CHRM3: variants seen among roughly 807,000 people sequenced by gnomAD.
The protein encoded by CHRM3 is muscarinic acetylcholine receptor M3.
A neutral mutation model predicts 41.8 loss-of-function variants in CHRM3; 11 were observed. The ratio of observed to expected loss-of-function variants is 0.26; its 90% CI spans 0.17 to 0.44. The LOEUF is 0.44. Ranked by LOEUF, CHRM3 falls within the 20% of genes least tolerant of loss-of-function variation. The pLI is 1.00. For missense variants in CHRM3, 571 were observed against 745.4 expected, an observed-to-expected ratio of 0.77 and a Z score of 2.72; for synonymous variants, 297 against 301.4, an observed-to-expected ratio of 0.99 and a Z score of 0.15.
chr1:239,753,395 A>G (rs1665987557), intron 5 of CHRM3, among the ~76,000 whole-genome samples: 1 of 152,166 alleles, frequency 6.6e-6, no homozygotes, highest in African/African-American at 2.4e-5. Context: ...TACAGGAAGC[A>G]TTGCTGAAAG....
At chr1:239,738,065 A>C (rs1462701075) in intron 5 of CHRM3, among the ~76,000 whole-genome samples, 1 of 152,182 alleles carries the variant, frequency 6.6e-6, no homozygotes, top group Non-Finnish European at 1.5e-5. Context: ...TAATTTATCT[A>C]ATTGTTTCAT....
chr1:239,871,532 C>G (rs1297199686), intron 6 of CHRM3, among the ~76,000 whole-genome samples: 3 of 152,120 alleles, frequency 2.0e-5, no homozygotes, highest in Non-Finnish European at 4.4e-5. Flanking sequence ...GAGCCACCAC[C>G]CCTGGCTGCC....
intron 5 of CHRM3, among the ~76,000 whole-genome samples, chr1:239,822,374 G>A (rs112246074): frequency 0.031 from 4,645 of 152,214 alleles, 90 homozygotes; most frequent in South Asian, 0.072. Flanking sequence ...TAGCTAAACC[G>A]AGTACTACAA....
At chr1:239,897,206 T>A (rs1408211635) in intron 6 of CHRM3, among the ~76,000 whole-genome samples, 1 of 152,126 alleles carries the variant, frequency 6.6e-6, no homozygotes, top group Non-Finnish European at 1.5e-5. Flanking sequence ...CAGTTCTATC[T>A]GCGTGCATGA....
chr1:239,455,087 A>T (rs61834713), intron 1 of CHRM3, among the ~76,000 whole-genome samples: 1,928 of 152,098 alleles, frequency 0.013, 16 homozygotes, highest in Admixed American at 0.022. Flanking sequence ...TTATTTATTT[A>T]TATTTTTGAG....
intron 4 of CHRM3, among the ~76,000 whole-genome samples, chr1:239,648,881 A>G (rs925755148): frequency 1.3e-5 from 2 of 152,198 alleles, no homozygotes; most frequent in African/African-American, 4.8e-5. Flanking sequence ...CACATGAATC[A>G]GTGATGTGTA....
chr1:239,657,881 T>C (rs1367371482), intron 4 of CHRM3, among the ~76,000 whole-genome samples: 1 of 152,194 alleles, frequency 6.6e-6, no homozygotes, highest in Admixed American at 6.5e-5. Context: ...TACATCATTC[T>C]TCACGATTGT....
intron 5 of CHRM3, among the ~76,000 whole-genome samples, chr1:239,797,993 G>A (rs1374988601): frequency 6.6e-6 from 1 of 152,048 alleles, no homozygotes; most frequent in African/African-American, 2.4e-5. Flanking sequence ...AAGCTGCAGT[G>A]AGCTGTGATT....
chr1:239,816,939 A>G (rs1309411947), intron 5 of CHRM3, among the ~76,000 whole-genome samples: 2 of 151,852 alleles, frequency 1.3e-5, no homozygotes, highest in African/African-American at 4.8e-5. Context: ...CACCATGTTG[A>G]CCAGGCTGGT....
At chr1:239,734,012 A>G (rs1291233980) in intron 5 of CHRM3, among the ~76,000 whole-genome samples, 2 of 152,114 alleles carry the variant, frequency 1.3e-5, no homozygotes, top group African/African-American at 2.4e-5. Context: ...CCACACTTTT[A>G]CGCAATGTGG....
intron 2 of CHRM3, among the ~76,000 whole-genome samples, chr1:239,524,436 T>C (rs970711879): frequency 1.3e-5 from 2 of 152,174 alleles, no homozygotes; most frequent in Non-Finnish European, 2.9e-5. Flanking sequence ...GTTTATTTTT[T>C]TTTTGGAAAT....
At position 239,914,954 on chromosome 1, in the gene CHRM3, T is replaced by A. The variant is rs1287272052; in HGVS notation, c.*5730T>A. 2 of 167,118 alleles carry A rather than the reference T, an allele frequency of 1.2e-5. No individual in the cohort carries two copies. Among genetic ancestry groups the A allele is most frequent in the African/African-American group, 4.8e-5 (2 of 41,472 alleles). 10.4% of individuals were successfully genotyped at this position (167,118 alleles called of 1,614,324 possible). A position where few individuals can be genotyped will look rare whatever the true frequency, so the allele number is the denominator to read the frequency against. On this transcript the variant is annotated 3_prime_UTR_variant, in exon 7 of 7. Transcript: ENST00000676153. The stretch of plus-strand genomic sequence containing the variant: ...CTCTGGGCGTCTGCTTAGAGCTATG[T>A]GATGGCCACAGTTTGGGCAAAGCCC...
chr1:239,596,835 AC>A, intron 3 of CHRM3, among the ~76,000 whole-genome samples: 1 of 152,244 alleles, frequency 6.6e-6, no homozygotes, highest in East Asian at 1.9e-4. Context: ...AAGTATCTGC[AC>A]ATATATATAA....
chr1:239,878,512 C>A (rs1677310151), intron 6 of CHRM3, among the ~76,000 whole-genome samples: 1 of 152,032 alleles, frequency 6.6e-6, no homozygotes, highest in East Asian at 1.9e-4. Context: ...GGCCCAGTTC[C>A]TAACAGGCCA....
intron 1 of CHRM3, among the ~76,000 whole-genome samples, chr1:239,438,364 A>C (rs1368821077): frequency 1.3e-5 from 2 of 152,184 alleles, no homozygotes; most frequent in Non-Finnish European, 2.9e-5. Flanking sequence ...GCCCACATCC[A>C]GCTGAAAGTG....
At chr1:239,625,012 A>G (rs1668878407) in intron 3 of CHRM3, among the ~76,000 whole-genome samples, 1 of 58,908 alleles carries the variant, frequency 1.7e-5, no homozygotes, top group African/African-American at 9.0e-5. Flanking sequence ...TGAACTTTAG[A>G]GTAGTTTTTT....
At chr1:239,860,851 G>A (rs549863379) in intron 6 of CHRM3, among the ~76,000 whole-genome samples, 7 of 152,094 alleles carry the variant, frequency 4.6e-5, no homozygotes, top group Non-Finnish European at 1.0e-4. Flanking sequence ...TATACCAGTA[G>A]TTTAGTTCAT....
intron 3 of CHRM3, among the ~76,000 whole-genome samples, chr1:239,549,857 A>G (rs1244663157): frequency 6.6e-6 from 1 of 151,960 alleles, no homozygotes; most frequent in African/African-American, 2.4e-5. Context: ...CACGAAATAG[A>G]TGAAATCTTT....
At chr1:239,849,247 A>C (rs1190373347) in intron 6 of CHRM3, among the ~76,000 whole-genome samples, 2 of 152,212 alleles carry the variant, frequency 1.3e-5, no homozygotes, top group African/African-American at 4.8e-5. Context: ...GAAGACACTG[A>C]ATACCATTCT....
Sources: allele counts gnomAD v4.1 joint callset (sites outside exome capture counted in the v4.1 genomes callset), GRCh38; gene constraint gnomAD v4.1.1; transcripts MANE v1.5; gene names NCBI Gene and HGNC (gene_info 2026-07-23, HGNC 2026-07-21).